The following PKP4 variants were observed in gnomAD, a reference collection of about 807,000 sequenced individuals.
The protein encoded by PKP4 is plakophilin-4.
Under a neutral mutation model 145.1 loss-of-function variants are expected in PKP4, and 90 were observed. That is an observed-to-expected ratio of 0.62 (90% CI 0.52 to 0.74). The LOEUF (loss-of-function observed/expected upper bound fraction) is 0.74. Ranked by LOEUF, PKP4 falls within the 30% of genes least tolerant of loss-of-function variation. The pLI is 0.00. For missense variants in PKP4, 1,340 were observed against 1,482.7 expected (o/e 0.90, Z 1.58); for synonymous variants, 563 against 577.2 (o/e 0.98, Z 0.35).
intron 9 of PKP4, 28 bp downstream of exon 9, chr2:158,634,317 G>A (rs1393756546): frequency 6.3e-7 from 1 of 1,585,064 alleles, no homozygotes; most frequent in Non-Finnish European, 8.7e-7. Flanking sequence ...GTCTCTAGAA[G>A]GCTACAGTAT....
intron 1 of PKP4, among the ~76,000 whole-genome samples, chr2:158,529,684 T>C (rs2043337129): frequency 1.3e-5 from 2 of 152,236 alleles, no homozygotes; most frequent in African/African-American, 4.8e-5. Context: ...GTTTCACTTA[T>C]GATTCACTCA....
At chr2:158,538,398 C>A (rs2044240129) in intron 2 of PKP4, among the ~76,000 whole-genome samples, 1 of 152,144 alleles carries the variant, frequency 6.6e-6, no homozygotes, top group Non-Finnish European at 1.5e-5. Context: ...TCACAAGTAT[C>A]TTTGCAAGTT....
intron 11 of PKP4, among the ~76,000 whole-genome samples, chr2:158,650,728 G>A (rs919544728): frequency 1.6e-4 from 24 of 152,192 alleles, no homozygotes; most frequent in African/African-American, 5.8e-4. Context: ...TGAGATGGTG[G>A]TGTTCCGAGC....
intron 2 of PKP4, among the ~76,000 whole-genome samples, chr2:158,574,820 A>G (rs2047707286): frequency 6.6e-6 from 1 of 152,200 alleles, no homozygotes; most frequent in Non-Finnish European, 1.5e-5. Flanking sequence ...CTCTGCATCC[A>G]GTAGGGATAT....
At chr2:158,642,028 T>TG (rs1411733840) in intron 10 of PKP4, among the ~76,000 whole-genome samples, 1 of 149,874 alleles carries the variant, frequency 6.7e-6, no homozygotes, top group Non-Finnish European at 1.5e-5. Context: ...GTTTTTTTGG[T>TG]GGGGGGTGGG....
chr2:158,665,201 G>C (rs1424686640), intron 15 of PKP4, among the ~76,000 whole-genome samples: 1 of 152,178 alleles, frequency 6.6e-6, no homozygotes, highest in Non-Finnish European at 1.5e-5. Context: ...GCTGGGCTGG[G>C]CTGGGCTGGT....
At chr2:158,630,475 G>T (rs2053245592) in intron 7 of PKP4, among the ~76,000 whole-genome samples, 1 of 152,138 alleles carries the variant, frequency 6.6e-6, no homozygotes, top group Non-Finnish European at 1.5e-5. Context: ...GAAAAACAAT[G>T]ATAAATAGTA....
intron 1 of PKP4, among the ~76,000 whole-genome samples, chr2:158,507,514 G>C (rs1110506): frequency 0.88 from 133,187 of 152,192 alleles, 58,564 homozygotes; most frequent in Middle Eastern, 0.93. Context: ...CTGGCACTTT[G>C]CCAGTTCAGT....
At chr2:158,624,840 G>T in intron 6 of PKP4, 38 bp from the exon 7 acceptor site, 1 of 1,513,218 alleles carries the variant, frequency 6.6e-7, no homozygotes, top group South Asian at 1.3e-5. Context: ...ACAAAACCCT[G>T]GATAAACCCA....
chr2:158,533,614 A>C, intron 2 of PKP4: 1 of 447,862 alleles, frequency 2.2e-6, no homozygotes, highest in Non-Finnish European at 4.4e-6. Context: ...AAGCTGTGTA[A>C]AGCATAGTTC....
At chr2:158,473,982 T>C (rs1692029366) in intron 1 of PKP4, among the ~76,000 whole-genome samples, 1 of 152,208 alleles carries the variant, frequency 6.6e-6, no homozygotes, top group Non-Finnish European at 1.5e-5. Context: ...AGCAAGGTGA[T>C]ACTAAATGAA....
In PKP4 at chr2:158,625,432, G is replaced by T; in HGVS notation, c.1153+5G>T. On this transcript the variant is annotated splice_donor_5th_base_variant and intron_variant, in intron 7 of 21. Coordinates refer to ENST00000389759, the MANE Select transcript of PKP4 (RefSeq NM_003628.6). The stretch of plus-strand genomic sequence containing the variant: ...CCAGGCCAGACAGCCTGACAGGTGC[G>T]TACAAGGTGACAGTGCTACATAAAA... 6.3e-7 allele frequency: 1 copy of T among 1,599,590 alleles called. No homozygotes were observed. The highest frequency in any genetic ancestry group is 8.6e-7 in the Non-Finnish European group (1 of 1,169,508).
chr2:158,606,164 A>G (rs547109461), intron 4 of PKP4, among the ~76,000 whole-genome samples: 8 of 152,116 alleles, frequency 5.3e-5, no homozygotes, highest in Non-Finnish European at 1.2e-4. Flanking sequence ...TCTGTGTTTA[A>G]CCCGTTAAGC....
intron 8 of PKP4, among the ~76,000 whole-genome samples, chr2:158,633,063 T>C (rs903583021): frequency 6.6e-5 from 10 of 152,206 alleles, no homozygotes; most frequent in African/African-American, 2.2e-4. Context: ...TCATTTGATA[T>C]ATCAGTCTTC....
intron 2 of PKP4, among the ~76,000 whole-genome samples, chr2:158,571,769 A>G (rs535481490): frequency 6.6e-6 from 1 of 152,306 alleles, no homozygotes; most frequent in South Asian, 2.1e-4. Context: ...GTAAGAGACT[A>G]GGAGGCCACA....
At chr2:158,565,048 G>A (rs890714040) in intron 2 of PKP4, among the ~76,000 whole-genome samples, 6 of 152,118 alleles carry the variant, frequency 3.9e-5, no homozygotes, top group Non-Finnish European at 5.9e-5. Flanking sequence ...TAGAATTTCA[G>A]TCCAACTCTT....
intron 3 of PKP4, among the ~76,000 whole-genome samples, chr2:158,586,064 A>G (rs1391593435): frequency 6.6e-6 from 1 of 152,054 alleles, no homozygotes; most frequent in African/African-American, 2.4e-5. Context: ...TTTGCATGAA[A>G]TTTTCAAGGT....
At chr2:158,676,960 T>C (rs2058066397) in intron 20 of PKP4, 93 bp downstream of exon 20, 5 of 1,433,964 alleles carry the variant, frequency 3.5e-6, no homozygotes, top group Admixed American at 1.7e-5. Context: ...TGTGCTTGTA[T>C]TGAGACAGTC....
chr2:158,520,589 A>C (rs951271634), intron 1 of PKP4, among the ~76,000 whole-genome samples: 9 of 152,238 alleles, frequency 5.9e-5, no homozygotes, highest in African/African-American at 2.2e-4. Flanking sequence ...GAAAACTATG[A>C]AAGTACATAA....
Sources: allele counts gnomAD v4.1 joint callset (sites outside exome capture counted in the v4.1 genomes callset), GRCh38; gene constraint gnomAD v4.1.1; transcripts MANE v1.5; gene names NCBI Gene and HGNC (gene_info 2026-07-23, HGNC 2026-07-21).